The following TFAP4 variants were observed in gnomAD, a reference collection of about 807,000 sequenced individuals.
TFAP4 encodes activating enhancer-binding protein 4.
Under a neutral mutation model 40.4 loss-of-function variants are expected in TFAP4, and 7 were observed. The ratio of observed to expected loss-of-function variants is 0.17; its 90% CI spans 0.10 to 0.33. The LOEUF is 0.33. TFAP4 is among the 10% of genes least tolerant of loss of function. The pLI is 1.00. For synonymous variants in TFAP4, 218 were observed against 181.4 expected (o/e 1.20, Z -1.62); for missense variants, 374 against 451.1 (o/e 0.83, Z 1.55).
intron 1 of TFAP4, among the ~76,000 whole-genome samples, chr16:4,269,366 G>A (rs1165655781): frequency 2.0e-5 from 3 of 151,856 alleles, no homozygotes; most frequent in African/African-American, 4.8e-5. Context: ...GGTGGTGGGC[G>A]CCTGTAGTCC....
In TFAP4 at chr16:4,260,491, C is replaced by G; in HGVS notation, c.630G>C (p.Glu210Asp). Reference protein sequence around the residue: ...QQEQVRLLHQEKLEREQQQLR... With the variant: ...QQEQVRLLHQDKLEREQQQLR... Reference sequence around the variant, plus strand: ...GCTGCTGCTGTTCCCGCTCCAGCTTCTCCTGGTGCAGCAGCCTCACCTGTT... The same window carrying G: ...GCTGCTGCTGTTCCCGCTCCAGCTTGTCCTGGTGCAGCAGCCTCACCTGTT... The change falls in exon 5 of 7, where the codon GAG becomes GAC. Residue 210 changes from glutamate to aspartate, a missense_variant. By Grantham distance (45) the Glu-to-Asp change is conservative (BLOSUM62 2). Around this residue, in one of 6 missense-constraint regions of TFAP4, gnomAD observed 161 missense variants for 154.2 expected, o/e 1.04. Transcript: ENST00000204517. 6.2e-7 allele frequency: 1 copy of G among 1,606,376 alleles called. No individual in the cohort carries two copies. The highest frequency in any genetic ancestry group is 8.5e-7 in the Non-Finnish European group (1 of 1,176,518).
At chr16:4,272,490 C>T (rs1479967716) in intron 1 of TFAP4, among the ~76,000 whole-genome samples, 168 bp downstream of exon 1, 2 of 151,888 alleles carry the variant, frequency 1.3e-5, no homozygotes, top group Non-Finnish European at 2.9e-5. Context: ...GAAGGAGGGT[C>T]CCGGGGCGGC....
rs770013166 is a variant in TFAP4 at position 4,262,714 on chromosome 16, A to G, written c.90-13T>C. On this transcript the variant is annotated splice_polypyrimidine_tract_variant and intron_variant, in intron 1 of 6. Transcript: ENST00000204517. ...AATGTTGGCAAGGCTGCCAGAGAGG[A>G]CAGGGACAGGCTCGGCCAAGGCGCC... The G allele has an allele frequency of 5.7e-5, 91 of 1,605,352 alleles. No homozygotes were observed. The highest frequency in any genetic ancestry group is 7.5e-5 in the Non-Finnish European group (88 of 1,179,442).
chr16:4,271,089 C>T (rs1400096952), intron 1 of TFAP4, among the ~76,000 whole-genome samples: 1 of 152,246 alleles, frequency 6.6e-6, no homozygotes, highest in African/African-American at 2.4e-5. Flanking sequence ...TCCAGGTGGG[C>T]CTCGTGCAAG....
chr16:4,263,997 G>C (rs2052970639), intron 1 of TFAP4: 2 of 152,520 alleles, frequency 1.3e-5, no homozygotes, highest in Non-Finnish European at 2.9e-5. Context: ...CTCAGCAGAG[G>C]CTGCCGGCCC....
At chr16:4,266,560 G>A (rs1054215520) in intron 1 of TFAP4, 2 of 152,172 alleles carry the variant, frequency 1.3e-5, no homozygotes, top group Non-Finnish European at 2.9e-5. Context: ...GATTGGTGGA[G>A]TGCCGCTAAC....
intron 5 of TFAP4, 59 bp from the exon 6 acceptor site, chr16:4,260,304 C>G: frequency 6.6e-7 from 1 of 1,514,138 alleles, no homozygotes; most frequent in Non-Finnish European, 8.8e-7. Flanking sequence ...ATCCACCTCC[C>G]TTTCATGCAG....
chr16:4,262,258 A>C (rs2141091260), intron 3 of TFAP4, 66 bp downstream of exon 3: 1 of 1,552,082 alleles, frequency 6.4e-7, no homozygotes, highest in East Asian at 2.2e-5. Flanking sequence ...CCTGAGTCCC[A>C]GGCCCATGGC....
Position 4,258,241 on chromosome 16 carries a change from C to T in TFAP4, c.831G>A (p.Gln277=), listed in dbSNP as rs779650897. 4 of 1,593,228 alleles carry T rather than the reference C, an allele frequency of 2.5e-6. No homozygotes were observed. The South Asian group carries it at 4.5e-5, about 18-fold the overall frequency. ...QNLDTIVQAI[Q]HIEGTQEKQE... is the part of the protein sequence containing the mutation. ...GCTTTTCCTGGGTGCCCTCGATGTG[C>T]TGGATTGCCTGGACAGGGACGAACC... The change falls in exon 7 of 7, where the codon CAG becomes CAA. Residue 277 remains glutamine (Q), a synonymous_variant. Transcript: ENST00000204517.
chr16:4,270,199 A>ATT (rs2053030500), intron 1 of TFAP4, among the ~76,000 whole-genome samples: 4 of 152,014 alleles, frequency 2.6e-5, no homozygotes, highest in Admixed American at 2.6e-4. Flanking sequence ...ACTGAGTGTC[A>ATT]TTTTTACAGC....
intron 1 of TFAP4, among the ~76,000 whole-genome samples, chr16:4,270,262 C>T (rs1007011244): frequency 4.6e-5 from 7 of 152,170 alleles, no homozygotes; most frequent in African/African-American, 1.7e-4. Context: ...GCTCTGTTTC[C>T]CAGAGACTGA....
In TFAP4 at chr16:4,272,772, G is replaced by A. The variant is rs776497020; in HGVS notation, c.-26C>T. On this transcript the variant is annotated 5_prime_UTR_variant, in exon 1 of 7. Coordinates refer to ENST00000204517, the MANE Select transcript of TFAP4 (RefSeq NM_003223.3). ...AGCGATCGGCCCCCCTCCTCTGCAC[G>A]AGCCAGGTCCCGCGATCAGCCGGAG... The A allele has an allele frequency of 4.6e-5, 74 of 1,605,890 alleles. 2 individuals are homozygous for A. Among genetic ancestry groups the A allele is most frequent in the Middle Eastern group, 3.3e-4 (2 of 6,026 alleles).
Position 4,257,324 on chromosome 16 carries a change from A to AG in TFAP4, c.*730_*731insC, listed in dbSNP as rs1249347268. The AG allele has an allele frequency of 5.3e-5, 8 of 151,320 alleles. No homozygotes were observed. Among genetic ancestry groups the AG allele is most frequent in the Admixed American group, 2.0e-4 (3 of 15,178 alleles). The allele number at this position is 151,320 out of a possible 1,614,324, so 9.4% of individuals were successfully genotyped here. ...ACCTCAAAATTGTAAAAAAAAAAAA[A>AG]AAAGAAAGAAAAAAAAGAAAAACAA... On this transcript the variant is annotated 3_prime_UTR_variant, in exon 7 of 7. Coordinates refer to ENST00000204517, the MANE Select transcript of TFAP4 (RefSeq NM_003223.3).
rs34634533 is a variant in TFAP4 at position 4,257,311 on chromosome 16, T to TAAAAAAAAAAAAAAA, written c.*729_*743dup. ...CTTGAACACGAAGACCTCAAAATTG[T>TAAAAAAAAAAAAAAA]AAAAAAAAAAAAAAAAGAAAGAAAA... On this transcript the variant is annotated 3_prime_UTR_variant, in exon 7 of 7. Coordinates refer to ENST00000204517, the MANE Select transcript of TFAP4 (RefSeq NM_003223.3). 8.7e-5 allele frequency: 10 copies of TAAAAAAAAAAAAAAA among 114,742 alleles called. No individual in the cohort carries two copies. The highest frequency in any genetic ancestry group is 2.3e-4 in the East Asian group (1 of 4,348). The allele number at this position is 114,742 out of a possible 1,614,324, so 7.1% of individuals were successfully genotyped here.
intron 1 of TFAP4, among the ~76,000 whole-genome samples, chr16:4,271,797 G>A (rs1331188691): frequency 1.3e-5 from 2 of 152,198 alleles, no homozygotes; most frequent in African/African-American, 2.4e-5. Context: ...TCCCCAAATG[G>A]CCTGCCCACC....
intron 1 of TFAP4, chr16:4,268,071 G>T (rs974200180): frequency 3.9e-5 from 6 of 152,272 alleles, no homozygotes; most frequent in Admixed American, 1.3e-4. Context: ...CCAAGCCTCG[G>T]TTTCCTCCGT....
intron 2 of TFAP4, 27 bp downstream of exon 2, chr16:4,262,509 C>G: frequency 6.2e-7 from 1 of 1,612,876 alleles, no homozygotes; most frequent in Non-Finnish European, 8.5e-7. Context: ...CCGGCTCCTC[C>G]AGGAAGCCCT....
At position 4,257,948 on chromosome 16, in the gene TFAP4, G is replaced by T; in HGVS notation, c.*107C>A. 1 of 1,098,454 alleles carries T rather than the reference G, an allele frequency of 9.1e-7. No individual in the cohort carries two copies. Among genetic ancestry groups the T allele is most frequent in the Non-Finnish European group, 1.3e-6 (1 of 778,166 alleles). The allele number at this position is 1,098,454 out of a possible 1,614,324, so 68.0% of individuals were successfully genotyped here. A position where few individuals can be genotyped will look rare whatever the true frequency, so the allele number is the denominator to read the frequency against. On this transcript the variant is annotated 3_prime_UTR_variant, in exon 7 of 7. Transcript: ENST00000204517. Reference sequence around the variant, plus strand: ...AAGAGGTCATAAAAGAGACCCAAATGACATCGTAATTTTGTAAAAATTTCT... The same window carrying T: ...AAGAGGTCATAAAAGAGACCCAAATTACATCGTAATTTTGTAAAAATTTCT...
At position 4,260,499 on chromosome 16, in the gene TFAP4, G is replaced by A; in HGVS notation, c.622C>T (p.His208Tyr). The A allele has an allele frequency of 6.2e-7, 1 of 1,607,398 alleles. No homozygotes were observed. Among genetic ancestry groups the A allele is most frequent in the South Asian group, 1.1e-5 (1 of 90,438 alleles). Residue 208 changes from histidine (H) to tyrosine (Y), a missense_variant, in exon 5 of 7, where the codon CAC becomes TAC. Around this residue, in one of 6 missense-constraint regions of TFAP4, gnomAD observed 161 missense variants for 154.2 expected, o/e 1.04. Transcript: ENST00000204517. ...QQQQEQVRLL[H>Y]QEKLEREQQQ... is the part of the protein sequence containing the mutation. Reference sequence around the variant, plus strand: ...TGTTCCCGCTCCAGCTTCTCCTGGTGCAGCAGCCTCACCTGTTCCTGCTGC... The same window carrying A: ...TGTTCCCGCTCCAGCTTCTCCTGGTACAGCAGCCTCACCTGTTCCTGCTGC...
Sources: allele counts gnomAD v4.1 joint callset (sites outside exome capture counted in the v4.1 genomes callset), GRCh38; gene constraint gnomAD v4.1.1; regional missense constraint gnomAD v4.1.1; transcripts MANE v1.5; gene names NCBI Gene and HGNC (gene_info 2026-07-23, HGNC 2026-07-21).